The following ZNF782 variants were observed in gnomAD, a reference collection of about 807,000 sequenced individuals.
The protein encoded by ZNF782 is zinc finger protein 782.
A neutral mutation model predicts 13.0 loss-of-function variants in ZNF782; 12 were observed. The observed-to-expected ratio is 0.92, with a 90% CI of 0.59 to 1.50. The LOEUF (loss-of-function observed/expected upper bound fraction) is 1.50. Ranked by LOEUF, ZNF782 falls within the 40% of genes most tolerant of loss-of-function variation. ZNF782 has a pLI of 0.00. For synonymous variants in ZNF782, 284 were observed against 283.0 expected (o/e 1.00, Z -0.04); for missense variants, 770 against 822.9 (o/e 0.94, Z 0.79).
chr9:96,877,015 G>A (rs74406277), upstream of ZNF782, among the ~76,000 whole-genome samples: 1,270 of 149,476 alleles, frequency 8.5e-3, 47 homozygotes, highest in East Asian at 0.1. Flanking sequence ...TGGCTATCAG[G>A]CAAATCATGG....
At chr9:96,830,703 G>C (rs1453626080) in intron 4 of ZNF782, among the ~76,000 whole-genome samples, 1 of 152,112 alleles carries the variant, frequency 6.6e-6, no homozygotes, top group Non-Finnish European at 1.5e-5. Flanking sequence ...GTCATACCAA[G>C]ATCTAAGACA....
upstream of ZNF782, among the ~76,000 whole-genome samples, chr9:96,879,451 C>A (rs1851936811): frequency 1.3e-5 from 2 of 152,144 alleles, no homozygotes; most frequent in Admixed American, 6.5e-5. Context: ...TGCGGTGAGC[C>A]CAGATCGCGC....
intron 4 of ZNF782, among the ~76,000 whole-genome samples, chr9:96,827,600 C>CA (rs1208427214): frequency 1.3e-4 from 20 of 152,020 alleles, no homozygotes; most frequent in African/African-American, 4.6e-4. Flanking sequence ...TGTACCTGGC[C>CA]AAAAAACATT....
chr9:96,865,318 T>C (rs973082847), intron 1 of ZNF782, among the ~76,000 whole-genome samples: 13 of 152,298 alleles, frequency 8.5e-5, no homozygotes, highest in African/African-American at 2.9e-4. Flanking sequence ...AACTGAATAA[T>C]GGAGACAGGT....
rs1850194725 is a variant in ZNF782 at position 96,817,058 on chromosome 9, A to C, written c.*865T>G. On this transcript the variant is annotated 3_prime_UTR_variant, in exon 6 of 6. Coordinates refer to ENST00000481138, the MANE Select transcript of ZNF782 (RefSeq NM_001001662.3). ...TCCAACTGTGTACAGGGAGGAGAAA[A>C]CTCCATGCCACAGGATCCTTCTCTG... is the stretch of plus-strand genomic sequence containing the variant. 6.6e-6 allele frequency: 1 copy of C among 151,212 alleles called. No homozygotes were observed. The highest frequency in any genetic ancestry group is 1.5e-5 in the Non-Finnish European group (1 of 67,608). 9.4% of individuals were successfully genotyped at this position (151,212 alleles called of 1,614,324 possible).
the ZNF782 span, chr9:96,902,831 G>T: frequency 7.2e-6 from 1 of 139,528 alleles, no homozygotes; most frequent in Non-Finnish European, 1.5e-5. Context: ...TTGAAACAGG[G>T]TCTCACTGTC....
In ZNF782 at chr9:96,819,539, C is replaced by T. The variant is rs1428125685; in HGVS notation, c.484G>A (p.Ala162Thr). The change falls in exon 6 of 6, where the codon GCT (alanine) becomes ACT (threonine). Residue 162 changes from alanine (A) to threonine (T), a missense_variant. Physicochemically the swap from Ala to Thr is moderately conservative, Grantham distance 58 (BLOSUM62 0). Coordinates refer to ENST00000481138, the MANE Select transcript of ZNF782 (RefSeq NM_001001662.3). ...APHCQYSKEKAHERNVCDKWL... is the reference protein window; with the variant it reads ...APHCQYSKEKTHERNVCDKWL... ...TTGTCACAAACATTACGCTCATGAG[C>T]CTTTTCTTTTGAATACTGACAGTGT... The T allele has an allele frequency of 6.2e-7, 1 of 1,612,360 alleles. No homozygotes were observed. Among genetic ancestry groups the T allele is most frequent in the African/African-American group, 1.3e-5 (1 of 74,758 alleles).
At chr9:96,844,272 G>A (rs1187966517) in intron 4 of ZNF782, among the ~76,000 whole-genome samples, 2 of 152,130 alleles carry the variant, frequency 1.3e-5, no homozygotes. Context: ...AACATATGTT[G>A]ACACAAAGAC....
the ZNF782 span, chr9:96,928,571 TG>T: frequency 1.9e-5 from 4 of 208,982 alleles, no homozygotes; most frequent in African/African-American, 1.8e-4. Flanking sequence ...TCATCAAGAG[TG>T]GGAAAGAGCC....
Position 96,819,506 on chromosome 9 carries a change from T to C in ZNF782, c.517A>G (p.Ile173Val), listed in dbSNP as rs1363271514. 6.2e-7 allele frequency: 1 copy of C among 1,613,230 alleles called. No individual in the cohort carries two copies. The highest frequency in any genetic ancestry group is 2.2e-5 in the East Asian group (1 of 44,890). ...HERNVCDKWL[I>V]SIKDGRTNTQ... ...TTAGTTCTGCCATCCTTAATACTGA[T>C]GAGCCATTTGTCACAAACATTACGC... Residue 173 changes from isoleucine (I) to valine (V), a missense_variant, in exon 6 of 6, where the codon ATC becomes GTC. Physicochemically the swap from Ile to Val is conservative, Grantham distance 29. Transcript: ENST00000481138.
chr9:96,888,302 G>A, the ZNF782 span: 3 of 152,072 alleles, frequency 2.0e-5, no homozygotes, highest in Non-Finnish European at 2.9e-5. Context: ...GGAGCAAAGA[G>A]GGACATTACA....
chr9:96,844,114 A>G (rs913697835), intron 4 of ZNF782, among the ~76,000 whole-genome samples: 1 of 152,234 alleles, frequency 6.6e-6, no homozygotes. Flanking sequence ...ACCAAAGAGT[A>G]ATGAGAACTC....
intron 3 of ZNF782, among the ~76,000 whole-genome samples, chr9:96,851,054 T>C (rs1328683776): frequency 6.6e-6 from 1 of 152,134 alleles, no homozygotes; most frequent in African/African-American, 2.4e-5. Flanking sequence ...GTTTTTAAAA[T>C]AAAATATCTT....
At chr9:96,930,764 C>T in the ZNF782 span, among the ~76,000 whole-genome samples, 2 of 149,820 alleles carry the variant, frequency 1.3e-5, no homozygotes, top group Non-Finnish European at 2.9e-5. Context: ...CCCTATTTAA[C>T]ACTTGTGTGG....
Position 96,844,965 on chromosome 9 carries a change from G to A in ZNF782, c.67C>T (p.Gln23Ter). 2 of 1,613,988 alleles carry A rather than the reference G, an allele frequency of 1.2e-6. No homozygotes were observed. The highest frequency in any genetic ancestry group is 1.7e-6 in the Non-Finnish European group (2 of 1,179,958). ...GTCCTCTCAACAGGGCCCATGTGCT[G>A]CCACTCCTCCTGGCTGAATTCCACA... ...VTVEFSQEEW[Q>*]HMGPVERTLY... The change falls in exon 4 of 6, where the codon CAG becomes TAG. Residue 23 changes from glutamine (Q) to a stop codon, truncating the protein, a stop_gained. Transcript: ENST00000481138. LOFTEE classifies it high-confidence loss of function.
chr9:96,887,457 A>G, the ZNF782 span: 1 of 152,262 alleles, frequency 6.6e-6, no homozygotes, highest in African/African-American at 2.4e-5. Context: ...ACAGTAATTA[A>G]AAGACAGAGA....
At chr9:96,908,122 C>T in the ZNF782 span, among the ~76,000 whole-genome samples, 115 of 151,920 alleles carry the variant, frequency 7.6e-4, 3 homozygotes, top group African/African-American at 2.7e-3. Context: ...TCTCTGTTTT[C>T]CAGTGCCCAG....
upstream of ZNF782, among the ~76,000 whole-genome samples, chr9:96,858,479 A>G (rs555986791): frequency 2.0e-5 from 3 of 152,306 alleles, no homozygotes; most frequent in East Asian, 5.8e-4. The surrounding 1 kb of genome is among the most constrained non-coding windows in gnomAD (Gnocchi z 4.4). Flanking sequence ...GGACACAGAA[A>G]CATGAGCTTC....
chr9:96,910,691 C>T, the ZNF782 span, among the ~76,000 whole-genome samples: 3 of 150,382 alleles, frequency 2.0e-5, no homozygotes, highest in African/African-American at 4.9e-5. Context: ...GGCTGGAGTG[C>T]AGTGGTGCGA....
Sources: allele counts gnomAD v4.1 joint callset (sites outside exome capture counted in the v4.1 genomes callset), GRCh38; gene constraint gnomAD v4.1.1; non-coding constraint Gnocchi (gnomAD v3.1); transcripts MANE v1.5; gene names NCBI Gene and HGNC (gene_info 2026-07-23, HGNC 2026-07-21).